The following MID2 variants were observed in gnomAD, a reference collection of about 807,000 sequenced individuals.
MID2 encodes probable E3 ubiquitin-protein ligase MID2.
A neutral mutation model predicts 46.1 loss-of-function variants in MID2; 13 were observed. That is an observed-to-expected ratio of 0.28 (90% CI 0.18 to 0.45). The LOEUF (loss-of-function observed/expected upper bound fraction) is 0.45, where lower values mean the gene tolerates loss of function less well. Among genes scored for constraint, MID2 ranks in the 20% least tolerant of loss-of-function variants. MID2 has a pLI of 1.00. For synonymous variants in MID2, 199 were observed against 212.3 expected, an observed-to-expected ratio of 0.94 and a Z score of 0.55; for missense variants, 431 against 575.4, an observed-to-expected ratio of 0.75 and a Z score of 2.57.
chrX:107,826,504 G>A, intron 1 of MID2, 74 bp downstream of exon 1: 1 of 1,079,747 alleles, frequency 9.3e-7, no homozygotes, highest in Non-Finnish European at 1.2e-6. Flanking sequence ...TCCGGCTCCG[G>A]CCGCTTTTCA....
chrX:107,914,343 A>T (rs1932934887), intron 5 of MID2, among the ~76,000 whole-genome samples: 1 of 112,166 alleles, frequency 8.9e-6, no homozygotes, highest in African/African-American at 3.2e-5. Context: ...TGTTATCCTA[A>T]AGAAGTTGTT....
At chrX:107,902,282 A>C (rs1219134598) in intron 3 of MID2, among the ~76,000 whole-genome samples, 2 of 112,189 alleles carry the variant, frequency 1.8e-5, no homozygotes, top group Non-Finnish European at 3.8e-5. Context: ...ACATTTTAAG[A>C]AACCAGGTAC....
intron 2 of MID2, among the ~76,000 whole-genome samples, chrX:107,848,133 G>C (rs962890552): frequency 1.8e-5 from 2 of 111,335 alleles, no homozygotes; most frequent in African/African-American, 3.3e-5. Flanking sequence ...GAGCCATGCA[G>C]TAGTGAGCTG....
intron 7 of MID2, among the ~76,000 whole-genome samples, chrX:107,923,465 T>TAAAA (rs1933110637): frequency 8.9e-6 from 1 of 112,236 alleles, no homozygotes; most frequent in Non-Finnish European, 1.9e-5. Flanking sequence ...CCTAGTTCTC[T>TAAAA]GATCCCTTTC....
chrX:107,888,929 G>A (rs980763126), intron 3 of MID2, among the ~76,000 whole-genome samples: 1 of 111,214 alleles, frequency 9.0e-6, no homozygotes, highest in African/African-American at 3.3e-5. Context: ...TTTATCAGAG[G>A]CTAGGATTGC....
intron 3 of MID2, among the ~76,000 whole-genome samples, chrX:107,855,163 T>G (rs1395908105): frequency 9.0e-6 from 1 of 111,336 alleles, no homozygotes; most frequent in Non-Finnish European, 1.9e-5. Context: ...CTCCCCCTCT[T>G]CATCCCCTGC....
At position 107,931,173 on chromosome X, in the gene MID2, C is replaced by A. The variant is rs1032920041; in HGVS notation, c.*4100C>A. 8.9e-6 allele frequency among the ~76,000 whole-genome samples: 1 copy of A among 112,382 alleles called. No homozygotes were observed. The highest frequency in any genetic ancestry group is 1.9e-5 in the Non-Finnish European group (1 of 53,262). ...TATATGACTACCAAGATGGAGCAAT[C>A]CACGGATGGACTTTTGAATAAACTC... On this transcript the variant is annotated 3_prime_UTR_variant, in exon 10 of 10. Transcript: ENST00000262843.
At chrX:107,897,472 A>G (rs1932755730) in intron 3 of MID2, among the ~76,000 whole-genome samples, 1 of 112,456 alleles carries the variant, frequency 8.9e-6, no homozygotes, top group Admixed American at 9.4e-5. Flanking sequence ...CTAAAGAAAC[A>G]GGTATAACCA....
chrX:107,833,519 G>A (rs1931138674), intron 1 of MID2, among the ~76,000 whole-genome samples: 1 of 109,040 alleles, frequency 9.2e-6, no homozygotes, highest in Non-Finnish European at 1.9e-5. Context: ...TTCTATGAAG[G>A]GAATACTATA....
chrX:107,849,954 C>T (rs996260116), intron 2 of MID2, among the ~76,000 whole-genome samples: 1 of 111,798 alleles, frequency 8.9e-6, no homozygotes, highest in South Asian at 3.7e-4. Flanking sequence ...TGTTTCCTAC[C>T]AGCAGATATC....
chrX:107,894,287 G>A (rs1339131999), intron 3 of MID2, among the ~76,000 whole-genome samples: 6 of 110,825 alleles, frequency 5.4e-5, no homozygotes, highest in East Asian at 5.6e-4. Context: ...GTGGCCAGAT[G>A]TTGTAAGTAC....
chrX:107,840,732 A>G lies in MID2; in HGVS notation c.67A>G (p.Thr23Ala). The G allele has an allele frequency of 8.3e-7, 1 of 1,211,706 alleles. No homozygotes were observed. The highest frequency in any genetic ancestry group is 1.1e-6 in the Non-Finnish European group (1 of 895,476). Residue 23 changes from threonine (T) to alanine (A), a missense_variant, in exon 2 of 10, where the codon ACA becomes GCA. Coordinates refer to ENST00000262843, the MANE Select transcript of MID2 (RefSeq NM_012216.4). ...AGGACTATTTTCACTAAAGATGGAA[A>G]CACTGGAGTCTGAATTGACCTGTCC... Reference protein sequence around the residue: ...SGGLFSLKMETLESELTCPIC... With the variant: ...SGGLFSLKMEALESELTCPIC...
intron 1 of MID2, among the ~76,000 whole-genome samples, chrX:107,826,923 C>A (rs1930967537): frequency 8.8e-6 from 1 of 113,207 alleles, no homozygotes; most frequent in Non-Finnish European, 1.9e-5. Flanking sequence ...CGGGGAGGCC[C>A]GGTGAAACTT....
intron 7 of MID2, among the ~76,000 whole-genome samples, chrX:107,921,626 T>A (rs1933076240): frequency 9.0e-6 from 1 of 111,631 alleles, no homozygotes; most frequent in African/African-American, 3.3e-5. Flanking sequence ...AGTTGGCACT[T>A]GGCATTCTAC....
At chrX:107,841,687 A>G (rs1931351163) in intron 2 of MID2, among the ~76,000 whole-genome samples, 1 of 112,462 alleles carries the variant, frequency 8.9e-6, no homozygotes, top group Admixed American at 9.4e-5. Flanking sequence ...TGCTTATTAT[A>G]TATCTTTGCT....
chrX:107,900,455 A>G lies in MID2; in HGVS notation c.817-3503A>G, dbSNP rs139659198. Among the ~76,000 whole-genome samples, 297 of 110,737 alleles carry G rather than the reference A, an allele frequency of 2.7e-3. 1 individual carries two copies. The highest frequency in any genetic ancestry group is 9.4e-3 in the African/African-American group (288 of 30,485). On this transcript the variant is annotated intron_variant, in intron 3 of 9. Coordinates refer to ENST00000262843, the MANE Select transcript of MID2 (RefSeq NM_012216.4). ...ATTTGATATTTCCTTTCTATTACTG[A>G]TATTCTCCTTGGGTATGCCCTGTCC... is the stretch of plus-strand genomic sequence containing the variant.
At chrX:107,894,867 A>AAG (rs140504946) in intron 3 of MID2, 90 of 92,222 alleles carry the variant, frequency 9.8e-4, no homozygotes, top group South Asian at 1.1e-3. Flanking sequence ...GTGTGTGTGA[A>AAG]AGAGAGAGAG....
In MID2 at chrX:107,854,704, G is replaced by C; in HGVS notation, c.816G>C (p.Glu272Asp). 1 of 1,192,136 alleles carries C rather than the reference G, an allele frequency of 8.4e-7. No homozygotes were observed. Among genetic ancestry groups the C allele is most frequent in the Non-Finnish European group, 1.1e-6 (1 of 877,926 alleles). ...AKLIQICQQV[E>D]VNTAMHEAKL... ...TAATACAGATCTGCCAGCAGGTTGA[G>C]GTATGTAACAGAAACATTTGTGATT... Residue 272 changes from glutamate to aspartate, a missense_variant and splice_region_variant, in exon 3 of 10, where the codon GAG becomes GAC. By Grantham distance (45) the Glu-to-Asp change is conservative. Coordinates refer to ENST00000262843, the MANE Select transcript of MID2 (RefSeq NM_012216.4).
intron 3 of MID2, among the ~76,000 whole-genome samples, chrX:107,898,264 C>T (rs1237459365): frequency 8.9e-6 from 1 of 112,210 alleles, no homozygotes; most frequent in Non-Finnish European, 1.9e-5. Flanking sequence ...TATCTCCAAC[C>T]CTTGTTTCTA....
Sources: gnomAD v4.1 joint callset for allele counts (sites outside exome capture counted in the v4.1 genomes callset) on GRCh38, gnomAD v4.1.1 for gene constraint, MANE v1.5 for transcripts, NCBI Gene and HGNC (gene_info 2026-07-23, HGNC 2026-07-21) for gene names.